Variants in RARB observed in about 807,000 individuals in gnomAD.
The protein encoded by RARB is retinoic acid receptor beta.
A neutral mutation model predicts 51.9 loss-of-function variants in RARB; 17 were observed. The ratio of observed to expected loss-of-function variants is 0.33; its 90% CI spans 0.22 to 0.49. The LOEUF (loss-of-function observed/expected upper bound fraction) is 0.49, where lower values mean the gene tolerates loss of function less well. RARB is among the 20% of genes least tolerant of loss of function. The pLI is 0.99. For missense variants in RARB, 369 were observed against 550.8 expected, an observed-to-expected ratio of 0.67 and a Z score of 3.30; for synonymous variants, 215 against 195.4, an observed-to-expected ratio of 1.10 and a Z score of -0.84.
rs191810983 is a variant in RARB at position 25,335,437 on chromosome 3, G to T, written c.179-125756G>T. 1.2e-4 allele frequency among the ~76,000 whole-genome samples: 19 copies of T among 152,306 alleles called. No individual in the cohort carries two copies. In the East Asian group the frequency reaches 3.7e-3, roughly 29 times the overall value. Reference sequence around the variant, plus strand: ...AAAAGCTTTGCAGAAGCAATCCACTGTGTGAGAGACCTCTGTGGCCCGGCA... The same window carrying T: ...AAAAGCTTTGCAGAAGCAATCCACTTTGTGAGAGACCTCTGTGGCCCGGCA... On this transcript the variant is annotated intron_variant, in intron 5 of 11. Coordinates refer to the RARB transcript ENST00000383772.
intron 2 of RARB, among the ~76,000 whole-genome samples, chr3:24,945,860 A>C (rs1047802461): frequency 6.6e-6 from 1 of 152,236 alleles, no homozygotes; most frequent in Admixed American, 6.5e-5. Context: ...CCAATGCATC[A>C]TAGTTAATAT....
At position 25,274,206 on chromosome 3, in the gene RARB, C is replaced by T. The variant is rs546672335; in HGVS notation, c.178+99631C>T. 3.9e-5 allele frequency among the ~76,000 whole-genome samples: 6 copies of T among 152,270 alleles called. No homozygotes were observed. In the East Asian group the frequency reaches 5.8e-4, roughly 15 times the overall value. On this transcript the variant is annotated intron_variant, in intron 5 of 11. Transcript: ENST00000383772. ...GCATATTTAAAATATGATTTAAACACGAAGCCTGCATAAAAATTAACTAGT... is the reference window on the plus strand; with the variant it reads ...GCATATTTAAAATATGATTTAAACATGAAGCCTGCATAAAAATTAACTAGT...
rs576978270 is a variant in RARB, at chr3:25,185,621, AT to A, written c.178+11054del. The stretch of plus-strand genomic sequence containing the variant: ...TACACTTAAGAATATTTAGTAAATC[AT>A]TTTTTTTATAATCAGAATGGCTTTT... On this transcript the variant is annotated intron_variant, in intron 5 of 11. Coordinates refer to the RARB transcript ENST00000383772. Among the ~76,000 whole-genome samples the A allele has an allele frequency of 7.2e-3, 1,095 of 152,048 alleles. 12 individuals are homozygous for A. Among genetic ancestry groups the A allele is most frequent in the African/African-American group, 0.019 (800 of 41,498 alleles).
At chr3:25,166,837 T>A (rs1444993607) in intron 4 of RARB, among the ~76,000 whole-genome samples, 3 of 152,214 alleles carry the variant, frequency 2.0e-5, no homozygotes. Context: ...AGAAATCACA[T>A]ATCAAGTCAT....
At chr3:25,306,718 G>A (rs534886130) in intron 5 of RARB, among the ~76,000 whole-genome samples, 1 of 152,302 alleles carries the variant, frequency 6.6e-6, no homozygotes, top group Non-Finnish European at 1.5e-5. Context: ...GGGAAAAAAA[G>A]CTGAATCTTT....
At chr3:24,840,960 C>G (rs762401385) in intron 1 of RARB, among the ~76,000 whole-genome samples, 1 of 152,086 alleles carries the variant, frequency 6.6e-6, no homozygotes, top group African/African-American at 2.4e-5. Flanking sequence ...ACAAATGCCA[C>G]AATGCACTGT....
At chr3:25,417,357 T>G (rs1254142131) in intron 5 of RARB, among the ~76,000 whole-genome samples, 1 of 152,076 alleles carries the variant, frequency 6.6e-6, no homozygotes, top group African/African-American at 2.4e-5. Context: ...AGTAGGTCAG[T>G]GATATGGTTT....
chr3:25,218,532 G>T (rs6794961), intron 5 of RARB, among the ~76,000 whole-genome samples: 2,342 of 152,274 alleles, frequency 0.015, 54 homozygotes, highest in African/African-American at 0.054. Context: ...GAAACCAGAA[G>T]AAGTGAGGCC....
At chr3:24,902,147 G>A (rs1266196207) in intron 2 of RARB, among the ~76,000 whole-genome samples, 2 of 152,246 alleles carry the variant, frequency 1.3e-5, no homozygotes, top group Non-Finnish European at 2.9e-5. Flanking sequence ...GATTCAGGAA[G>A]GTTAAGTGGC....
chr3:24,894,534 A>T (rs1703443170), intron 2 of RARB, among the ~76,000 whole-genome samples: 1 of 152,096 alleles, frequency 6.6e-6, no homozygotes, highest in South Asian at 2.1e-4. Context: ...ACTGAGGTTT[A>T]TTCCATGTCT....
chr3:24,915,578 A>T (rs1695089505), intron 2 of RARB, among the ~76,000 whole-genome samples: 1 of 152,186 alleles, frequency 6.6e-6, no homozygotes, highest in African/African-American at 2.4e-5. Flanking sequence ...TGAACTAGAG[A>T]TATATGCCCA....
At chr3:24,849,467 C>A (rs1702526770) in intron 1 of RARB, among the ~76,000 whole-genome samples, 1 of 152,222 alleles carries the variant, frequency 6.6e-6, no homozygotes, top group Non-Finnish European at 1.5e-5. Context: ...GCTGCCTTAG[C>A]AAATATAGGG....
chr3:24,863,474 A>G (rs1249123934), intron 2 of RARB, among the ~76,000 whole-genome samples: 1 of 152,146 alleles, frequency 6.6e-6, no homozygotes, highest in African/African-American at 2.4e-5. Context: ...TTTGGAGTGT[A>G]ATATCATTTG....
chr3:25,046,983 C>T (rs1698230934), intron 2 of RARB, among the ~76,000 whole-genome samples: 1 of 152,024 alleles, frequency 6.6e-6, no homozygotes, highest in Non-Finnish European at 1.5e-5. Flanking sequence ...TATATTTTAT[C>T]CTGTGCCCAG....
chr3:24,931,932 G>T (rs188294387), intron 2 of RARB, among the ~76,000 whole-genome samples: 2 of 152,164 alleles, frequency 1.3e-5, no homozygotes, highest in Admixed American at 1.3e-4. Context: ...TGACTATGCA[G>T]CCTGTTTCCA....
chr3:25,042,270 A>G (rs190924293), intron 2 of RARB, among the ~76,000 whole-genome samples: 66 of 152,370 alleles, frequency 4.3e-4, no homozygotes, highest in African/African-American at 1.6e-3. Context: ...TTGTTCATCA[A>G]CAGGTCTACT....
chr3:24,879,023 T>C (rs1011941386), intron 2 of RARB, among the ~76,000 whole-genome samples: 79 of 152,352 alleles, frequency 5.2e-4, no homozygotes, highest in African/African-American at 1.8e-3. Context: ...CAGTCTGATA[T>C]ATTAACTGGC....
At chr3:25,482,622 C>T (rs926400053) in intron 2 of RARB, among the ~76,000 whole-genome samples, 6 of 142,042 alleles carry the variant, frequency 4.2e-5, no homozygotes, top group African/African-American at 1.6e-4. Flanking sequence ...TCACTGCAAC[C>T]TCTGCCTCCC....
At chr3:25,348,708 T>G (rs897975111) in intron 5 of RARB, among the ~76,000 whole-genome samples, 2 of 152,242 alleles carry the variant, frequency 1.3e-5, no homozygotes, top group Non-Finnish European at 2.9e-5. Flanking sequence ...TCAGTAAATC[T>G]TAACGTTTTT....
Sources: gnomAD v4.1 joint callset for allele counts (sites outside exome capture counted in the v4.1 genomes callset) on GRCh38, gnomAD v4.1.1 for gene constraint, MANE v1.5 for transcripts, NCBI Gene and HGNC (gene_info 2026-07-23, HGNC 2026-07-21) for gene names.